The following ADSS1 variants were observed in gnomAD, a reference collection of about 807,000 sequenced individuals.
The protein encoded by ADSS1 is adenylosuccinate synthetase isozyme 1.
Under a neutral mutation model 59.1 loss-of-function variants are expected in ADSS1, and 57 were observed. The ratio of observed to expected loss-of-function variants is 0.97; its 90% CI spans 0.78 to 1.20. ADSS1 has a LOEUF of 1.20. Among genes scored for constraint, ADSS1 ranks in the 50% most tolerant of loss-of-function variants. The pLI is 0.00. For missense variants in ADSS1, 603 were observed against 610.3 expected, an observed-to-expected ratio of 0.99 and a Z score of 0.13; for synonymous variants, 247 against 249.4, an observed-to-expected ratio of 0.99 and a Z score of 0.09.
chr14:104,739,484 TC>T, intron 4 of ADSS1, 106 bp downstream of exon 4: 1 of 1,304,150 alleles, frequency 7.7e-7, no homozygotes, highest in Non-Finnish European at 1.1e-6. Flanking sequence ...CCCAAGGCCT[TC>T]TTGCTCCACA....
At chr14:104,729,983 G>C (rs146609245) in intron 1 of ADSS1, 2 of 1,596,972 alleles carry the variant, frequency 1.3e-6, no homozygotes. Context: ...CTCGTCCCCA[G>C]CTCACAGCAC....
At chr14:104,724,614 A>C in intron 1 of ADSS1, 152 bp downstream of exon 1, 7 of 968,782 alleles carry the variant, frequency 7.2e-6, no homozygotes, top group Non-Finnish European at 9.3e-6. Flanking sequence ...CACCCCACCC[A>C]CGCACGCACA....
intron 8 of ADSS1, 133 bp downstream of exon 8, chr14:104,741,376 C>A: frequency 8.2e-7 from 1 of 1,217,684 alleles, no homozygotes; most frequent in East Asian, 2.6e-5. Flanking sequence ...CCATCCATGC[C>A]CGCGGAAATG....
intron 1 of ADSS1, among the ~76,000 whole-genome samples, chr14:104,728,844 G>C (rs1242441295): frequency 1.3e-5 from 2 of 152,320 alleles, no homozygotes; most frequent in Middle Eastern, 6.8e-3. Flanking sequence ...ATTCCAGGGG[G>C]AGAGGTGCAA....
In ADSS1 at chr14:104,739,734, C is replaced by G. The variant is rs1485012042; in HGVS notation, c.410-16C>G. On this transcript the variant is annotated splice_polypyrimidine_tract_variant and intron_variant, in intron 4 of 12. Transcript: ENST00000330877. ...CTCTCCTGTCTCCTGCTGCCCTCAC[C>G]TGGCCCGCCCGACAGTGTTTGATTT... 6.2e-7 allele frequency: 1 copy of G among 1,613,790 alleles called. No homozygotes were observed. Among genetic ancestry groups the G allele is most frequent in the Non-Finnish European group, 8.5e-7 (1 of 1,179,946 alleles).
chr14:104,733,555 C>T (rs999809751), intron 1 of ADSS1, among the ~76,000 whole-genome samples: 3 of 152,044 alleles, frequency 2.0e-5, no homozygotes, highest in Non-Finnish European at 2.9e-5. Context: ...CTTGGGCAGG[C>T]GGGGAAAGGC....
intron 10 of ADSS1, among the ~76,000 whole-genome samples, chr14:104,743,780 T>A (rs1426153941): frequency 6.6e-6 from 1 of 152,128 alleles, no homozygotes; most frequent in Non-Finnish European, 1.5e-5. Flanking sequence ...GCTAGGTGGG[T>A]ATAGAGCTAA....
intron 1 of ADSS1, among the ~76,000 whole-genome samples, chr14:104,724,749 T>C (rs1404726576): frequency 1.3e-5 from 2 of 151,912 alleles, no homozygotes; most frequent in African/African-American, 4.8e-5. Context: ...GGACACCCGA[T>C]CCTTAGGGGG....
chr14:104,729,536 T>TGGCGTCGGCGTCGG (rs1566793965), intron 1 of ADSS1, among the ~76,000 whole-genome samples: 15 of 28,444 alleles, frequency 5.3e-4, no homozygotes, highest in African/African-American at 3.4e-3. Flanking sequence ...GTCGGCGTCG[T>TGGCGTCGGCGTCGG]GGGGAGGAGC....
intron 2 of ADSS1, among the ~76,000 whole-genome samples, chr14:104,736,881 G>GATTTTATATATATATAT (rs1254196679): frequency 2.8e-5 from 3 of 106,588 alleles, no homozygotes; most frequent in African/African-American, 1.1e-4. Flanking sequence ...GCACCTAGCT[G>GATTTTATATATATATAT]ATATATATAT....
chr14:104,727,422 C>T (rs1025386052), intron 1 of ADSS1, among the ~76,000 whole-genome samples: 4 of 152,000 alleles, frequency 2.6e-5, no homozygotes, highest in African/African-American at 9.7e-5. Context: ...TGCCATCTTC[C>T]TCCTTGCCTG....
Position 104,740,696 on chromosome 14 carries a change from A to C in ADSS1, c.572A>C (p.Glu191Ala), listed in dbSNP as rs1283718395. The C allele has an allele frequency of 6.2e-7, 1 of 1,613,604 alleles. No individual in the cohort carries two copies. The highest frequency in any genetic ancestry group is 8.5e-7 in the Non-Finnish European group (1 of 1,179,988). ...RICDLLSDFD[E>A]FSSRFKNLAH... ...TGCGACCTCCTGTCAGATTTTGATG[A>C]GTTTTCCTCCAGGTACCTGAGCCGT... The change falls in exon 6 of 13, where the codon GAG becomes GCG. Residue 191 changes from glutamate (E) to alanine (A), a missense_variant. Glu to Ala is a moderately radical substitution (Grantham distance 107, BLOSUM62 -1). Transcript: ENST00000330877. The surrounding 1 kb of genome is among the most constrained non-coding windows in gnomAD (Gnocchi z 4.8).
Position 104,746,369 on chromosome 14 carries a change from T to C in ADSS1, c.1305T>C (p.Asn435=), listed in dbSNP as rs1595216588. ...QAQNYIRFVE[N]HVGVAVKWVG... ...AGAACTACATCCGCTTTGTGGAGAA[T>C]CACGTGGGAGTCGCAGGTGGGTGCC... The change falls in exon 12 of 13, where the codon AAT becomes AAC. Residue 435 remains asparagine, a synonymous_variant. Transcript: ENST00000330877. The C allele has an allele frequency of 1.2e-6, 2 of 1,612,300 alleles. No homozygotes were observed. Among genetic ancestry groups the C allele is most frequent in the Non-Finnish European group, 1.7e-6 (2 of 1,178,972 alleles).
In ADSS1 at chr14:104,724,281, CCCGA is replaced by C. The variant is rs1890654547; in HGVS notation, c.12_15del (p.Arg5ProfsTer28). ...AAGAGCCAAGCCAGCATGTCGGGGACCCGAGCCTCCAACGACCGGCCCCCCGGCG... is the reference window on the plus strand; with the variant it reads ...AAGAGCCAAGCCAGCATGTCGGGGACGCCTCCAACGACCGGCCCCCCGGCG... On this transcript the variant is annotated frameshift_variant, in exon 1 of 13. Coordinates refer to ENST00000330877, the MANE Select transcript of ADSS1 (RefSeq NM_152328.5). LOFTEE classifies it high-confidence loss of function. 2 of 1,230,304 alleles carry C rather than the reference CCCGA, an allele frequency of 1.6e-6. No individual in the cohort carries two copies. Among genetic ancestry groups the C allele is most frequent in the African/African-American group, 3.1e-5 (2 of 64,136 alleles). The allele number at this position is 1,230,304 out of a possible 1,614,324, so 76.2% of individuals were successfully genotyped here.
In ADSS1 at chr14:104,743,099, C is replaced by T. The variant is rs139335516; in HGVS notation, c.981C>T (p.His327=). ...GAGGCCTGCTGCAGACCCGCGGCCA[C>T]GAGTGGGGAGTGACCACAGGCAGGA... ...EIGGLLQTRG[H]EWGVTTGRKR... Residue 327 remains histidine, a synonymous_variant, in exon 10 of 13, where the codon CAC becomes CAT. Transcript: ENST00000330877. The T allele has an allele frequency of 2.4e-5, 38 of 1,613,004 alleles. No homozygotes were observed. The Middle Eastern group carries it at 4.9e-4, about 21-fold the overall frequency.
intron 10 of ADSS1, among the ~76,000 whole-genome samples, chr14:104,744,069 T>C (rs115237384): frequency 0.014 from 2,048 of 147,108 alleles, 56 homozygotes; most frequent in African/African-American, 0.048. Flanking sequence ...GCTGCCATCA[T>C]TGGCATCAGT....
In ADSS1 at chr14:104,746,351, C is replaced by T. The variant is rs1439621848; in HGVS notation, c.1287C>T (p.Tyr429=). 3.1e-6 allele frequency: 5 copies of T among 1,613,676 alleles called. No homozygotes were observed. The highest frequency in any genetic ancestry group is 3.4e-6 in the Non-Finnish European group (4 of 1,179,904). ...WEDLPPQAQN[Y]IRFVENHVGV... ...ACCTGCCCCCACAGGCCCAGAACTACATCCGCTTTGTGGAGAATCACGTGG... is the reference window on the plus strand; with the variant it reads ...ACCTGCCCCCACAGGCCCAGAACTATATCCGCTTTGTGGAGAATCACGTGG... The change falls in exon 12 of 13, where the codon TAC becomes TAT. Residue 429 remains tyrosine, a synonymous_variant. Transcript: ENST00000330877.
At chr14:104,744,612 A>T (rs1169934501) in intron 10 of ADSS1, 200 bp from the exon 11 acceptor site, 1 of 579,916 alleles carries the variant, frequency 1.7e-6, no homozygotes, top group Non-Finnish European at 3.1e-6. Context: ...GGTGGAGCTC[A>T]GGCCGTAATG....
chr14:104,746,797 C>T (rs1387813133), intron 12 of ADSS1, 154 bp from the exon 13 acceptor site: 2 of 761,702 alleles, frequency 2.6e-6, no homozygotes, highest in South Asian at 3.7e-5. Context: ...ACATGCACTA[C>T]CTTCATAACT....
Sources: allele counts gnomAD v4.1 joint callset (sites outside exome capture counted in the v4.1 genomes callset), GRCh38; gene constraint gnomAD v4.1.1; non-coding constraint Gnocchi (gnomAD v3.1); transcripts MANE v1.5; gene names NCBI Gene and HGNC (gene_info 2026-07-23, HGNC 2026-07-21).